The following DLG2 variants were observed in gnomAD, a reference collection of about 807,000 sequenced individuals.
DLG2 encodes the protein discs large MAGUK scaffold protein 2.
A neutral mutation model predicts 132.5 loss-of-function variants in DLG2; 45 were observed. The ratio of observed to expected loss-of-function variants is 0.34; its 90% CI spans 0.27 to 0.44. DLG2 has a LOEUF of 0.44. Ranked by LOEUF, DLG2 falls within the 20% of genes least tolerant of loss-of-function variation. DLG2 has a pLI of 1.00. For missense variants in DLG2, 1,045 were observed against 1,196.9 expected, an observed-to-expected ratio of 0.87 and a Z score of 1.87; for synonymous variants, 424 against 419.6, an observed-to-expected ratio of 1.01 and a Z score of -0.13.
In DLG2 at chr11:84,689,027, T is replaced by C. The variant is rs372153041; in HGVS notation, c.358-154296A>G. 3.8e-3 allele frequency among the ~76,000 whole-genome samples: 583 copies of C among 152,210 alleles called. 3 individuals carry two copies. The highest frequency in any genetic ancestry group is 0.014 in the African/African-American group (568 of 41,482). The stretch of plus-strand genomic sequence containing the variant: ...GTGCTGTTAAGCAGACTGGAGACTA[T>C]CTACGTAAAACGCTAGCACAGTTGC... On this transcript the variant is annotated intron_variant, in intron 6 of 27. Transcript: ENST00000376104.
At chr11:83,601,552 C>T (rs1374197423) in intron 19 of DLG2, among the ~76,000 whole-genome samples, 1 of 122,472 alleles carries the variant, frequency 8.2e-6, no homozygotes, top group Non-Finnish European at 1.6e-5. Context: ...CACTCTGTCG[C>T]CCAAGCTGGA....
intron 15 of DLG2, among the ~76,000 whole-genome samples, chr11:83,918,019 G>A (rs1005317241): frequency 3.3e-5 from 5 of 152,142 alleles, no homozygotes; most frequent in African/African-American, 7.2e-5. Flanking sequence ...AACCTACCAA[G>A]CAGAAAGGTA....
At chr11:84,621,897 G>A (rs553301449) in intron 6 of DLG2, among the ~76,000 whole-genome samples, 1 of 152,116 alleles carries the variant, frequency 6.6e-6, no homozygotes. Context: ...CATTGGGCTG[G>A]AAAACAATTC....
intron 6 of DLG2, among the ~76,000 whole-genome samples, chr11:84,594,138 C>T (rs2099550596): frequency 1.3e-5 from 2 of 152,012 alleles, no homozygotes; most frequent in African/African-American, 4.8e-5. Context: ...TAATTGGTCA[C>T]ATTTGTAGAA....
intron 3 of DLG2, among the ~76,000 whole-genome samples, chr11:85,430,820 G>A (rs1181564787): frequency 7.3e-6 from 1 of 137,154 alleles, no homozygotes; most frequent in East Asian, 2.2e-4. Flanking sequence ...ATTGTCGTGA[G>A]TTTTTTCTAA....
intron 3 of DLG2, among the ~76,000 whole-genome samples, chr11:85,534,844 G>A (rs984899179): frequency 3.9e-5 from 6 of 152,074 alleles, no homozygotes; most frequent in Non-Finnish European, 8.8e-5. Flanking sequence ...TTTTCCCTTG[G>A]GTATGTATGC....
intron 9 of DLG2, among the ~76,000 whole-genome samples, chr11:84,160,745 T>C (rs757591713): frequency 2.6e-5 from 4 of 152,178 alleles, no homozygotes; most frequent in Non-Finnish European, 5.9e-5. Context: ...AATGGATAAC[T>C]GGTAATGGAG....
chr11:84,611,961 G>C (rs1399191546), intron 6 of DLG2, among the ~76,000 whole-genome samples: 1 of 152,100 alleles, frequency 6.6e-6, no homozygotes, highest in Non-Finnish European at 1.5e-5. Flanking sequence ...AAGTATAATT[G>C]ACTAACAACA....
At chr11:84,346,336 A>G (rs1399474910) in intron 7 of DLG2, among the ~76,000 whole-genome samples, 1 of 152,180 alleles carries the variant, frequency 6.6e-6, no homozygotes, top group African/African-American at 2.4e-5. Flanking sequence ...CAAACTTAGC[A>G]TAGTGTCTTA....
chr11:84,093,187 A>G (rs2097120699), intron 10 of DLG2, among the ~76,000 whole-genome samples: 1 of 152,178 alleles, frequency 6.6e-6, no homozygotes, highest in South Asian at 2.1e-4. Context: ...AGTTCTCACA[A>G]GGCTGTATCA....
chr11:83,478,029 T>C (rs2092760102), intron 22 of DLG2, among the ~76,000 whole-genome samples: 1 of 152,100 alleles, frequency 6.6e-6, no homozygotes, highest in Non-Finnish European at 1.5e-5. Flanking sequence ...CATCAATCTA[T>C]CTTAGTACCT....
At chr11:84,699,080 C>G (rs543606739) in intron 6 of DLG2, among the ~76,000 whole-genome samples, 1 of 151,464 alleles carries the variant, frequency 6.6e-6, no homozygotes, top group Admixed American at 6.6e-5. Context: ...CTTCCAATGT[C>G]TTTGCCCAGT....
chr11:85,019,536 T>C (rs1196061062), intron 6 of DLG2, among the ~76,000 whole-genome samples: 2 of 152,158 alleles, frequency 1.3e-5, no homozygotes, highest in Non-Finnish European at 2.9e-5. Flanking sequence ...TTGTTACATA[T>C]GTATATATGT....
At chr11:83,887,126 CA>C (rs1301002254) in intron 15 of DLG2, among the ~76,000 whole-genome samples, 2 of 152,130 alleles carry the variant, frequency 1.3e-5, no homozygotes, top group Non-Finnish European at 2.9e-5. Flanking sequence ...AATAGAGACA[CA>C]AAAAACCCTT....
intron 10 of DLG2, among the ~76,000 whole-genome samples, 192 bp downstream of exon 10, chr11:84,098,731 C>T (rs144647085): frequency 8.5e-5 from 13 of 152,242 alleles, no homozygotes; most frequent in Non-Finnish European, 1.3e-4. Flanking sequence ...TACCTACCAA[C>T]GAACACAAAT....
At chr11:85,489,356 G>T (rs1198163507) in intron 3 of DLG2, among the ~76,000 whole-genome samples, 1 of 152,044 alleles carries the variant, frequency 6.6e-6, no homozygotes, top group Non-Finnish European at 1.5e-5. Context: ...TCAGCAAGAG[G>T]ATATAATCAT....
chr11:85,062,613 T>A (rs1335471285), intron 6 of DLG2, among the ~76,000 whole-genome samples: 1 of 151,686 alleles, frequency 6.6e-6, no homozygotes, highest in Non-Finnish European at 1.5e-5. Context: ...AAGAAAGACT[T>A]TTAAATAATG....
At chr11:84,209,450 A>G (rs147155944) in intron 8 of DLG2, among the ~76,000 whole-genome samples, 58 of 152,308 alleles carry the variant, frequency 3.8e-4, no homozygotes, top group Admixed American at 1.0e-3. Flanking sequence ...ATCCAAATAA[A>G]GTTTGGAGTT....
chr11:84,142,744 G>A (rs944271978), intron 9 of DLG2, among the ~76,000 whole-genome samples: 1 of 152,080 alleles, frequency 6.6e-6, no homozygotes, highest in Non-Finnish European at 1.5e-5. Flanking sequence ...CAGAGCTCCA[G>A]GTTTTCAGAC....
Sources: gnomAD v4.1 joint callset for allele counts (sites outside exome capture counted in the v4.1 genomes callset) on GRCh38, gnomAD v4.1.1 for gene constraint, MANE v1.5 for transcripts, NCBI Gene and HGNC (gene_info 2026-07-23, HGNC 2026-07-21) for gene names.